LYZL4: variants seen among roughly 807,000 people sequenced by gnomAD.
LYZL4 encodes lysozyme like 4.
In LYZL4, 13 loss-of-function variants were observed where a neutral mutation model predicts 17.6. The observed-to-expected ratio is 0.74, with a 90% CI of 0.48 to 1.18. The LOEUF is 1.18. Ranked by LOEUF, LYZL4 falls within the 50% of genes most tolerant of loss-of-function variation. LYZL4 has a pLI of 0.00. For missense variants in LYZL4, 174 were observed against 188.2 expected, an observed-to-expected ratio of 0.92 and a Z score of 0.44; for synonymous variants, 64 against 67.7, an observed-to-expected ratio of 0.95 and a Z score of 0.27.
At chr3:42,377,854 G>A in the LYZL4 span, among the ~76,000 whole-genome samples, 5 of 152,186 alleles carry the variant, frequency 3.3e-5, no homozygotes, top group African/African-American at 1.2e-4. Context: ...CTGGAGAAAG[G>A]CAGGAGCCTT....
chr3:42,396,399 G>C (rs562857742), downstream of LYZL4, among the ~76,000 whole-genome samples: 6 of 152,308 alleles, frequency 3.9e-5, no homozygotes, highest in African/African-American at 1.2e-4. Context: ...GCTGACAGCT[G>C]TACTCCATCC....
chr3:42,403,444 ATTTATTTT>A (rs1176779971), intron 4 of LYZL4, among the ~76,000 whole-genome samples: 2 of 151,786 alleles, frequency 1.3e-5, no homozygotes, highest in African/African-American at 4.8e-5. Flanking sequence ...TTATTTATTT[ATTTATTTT>A]TTTAGTAGAG....
chr3:42,385,371 T>C, the LYZL4 span, among the ~76,000 whole-genome samples: 4 of 152,202 alleles, frequency 2.6e-5, no homozygotes, highest in African/African-American at 9.6e-5. Context: ...TAGCACTGTG[T>C]TGCAATTGCC....
Position 42,401,492 on chromosome 3 carries a change from T to C in LYZL4, c.371+2554A>G, listed in dbSNP as rs4682918. 5.7e-3 allele frequency among the ~76,000 whole-genome samples: 875 copies of C among 152,216 alleles called. 22 individuals are homozygous for C. The highest frequency in any genetic ancestry group is 0.055 in the East Asian group (282 of 5,166). On this transcript the variant is annotated intron_variant, in intron 4 of 4. Transcript: ENST00000287748. The stretch of plus-strand genomic sequence containing the variant: ...CAGCCTCCCAAAGTGCTGGGGATTA[T>C]AGGCATGAGCCACCGCTCCCAGCAC...
chr3:42,377,780 G>C, the LYZL4 span, among the ~76,000 whole-genome samples: 1 of 152,036 alleles, frequency 6.6e-6, no homozygotes, highest in Non-Finnish European at 1.5e-5. Flanking sequence ...ACATGGTAAG[G>C]TCCTGTGCAG....
At chr3:42,381,127 G>A in the LYZL4 span, among the ~76,000 whole-genome samples, 1 of 152,348 alleles carries the variant, frequency 6.6e-6, no homozygotes, top group East Asian at 1.9e-4. Context: ...GCAGACATGG[G>A]AGAGAAAGAT....
At chr3:42,394,370 T>C (rs553357227), downstream of LYZL4, among the ~76,000 whole-genome samples, 15 of 152,274 alleles carry the variant, frequency 9.9e-5, no homozygotes, top group Admixed American at 9.8e-4. Flanking sequence ...TGTGGGGATA[T>C]AGGTTTTGAG....
chr3:42,379,030 G>C, the LYZL4 span, among the ~76,000 whole-genome samples: 1 of 152,026 alleles, frequency 6.6e-6, no homozygotes, highest in Non-Finnish European at 1.5e-5. Flanking sequence ...GAAAACTGCA[G>C]CTGGTGACTC....
chr3:42,398,380 T>C (rs754518774), intron 4 of LYZL4, among the ~76,000 whole-genome samples: 2 of 152,176 alleles, frequency 1.3e-5, no homozygotes, highest in Non-Finnish European at 2.9e-5. Flanking sequence ...ATACACTAAA[T>C]ATGGTTTTAG....
the LYZL4 span, among the ~76,000 whole-genome samples, chr3:42,365,718 G>A: frequency 6.6e-6 from 1 of 152,076 alleles, no homozygotes; most frequent in South Asian, 2.1e-4. Flanking sequence ...CTACTACAGG[G>A]GAATGGAGAA....
the LYZL4 span, among the ~76,000 whole-genome samples, chr3:42,363,887 A>G: frequency 2.0e-5 from 3 of 152,240 alleles, no homozygotes; most frequent in African/African-American, 4.8e-5. Flanking sequence ...GACTCAGACC[A>G]TCATCACCCT....
chr3:42,382,351 A>C, the LYZL4 span, among the ~76,000 whole-genome samples: 1 of 152,174 alleles, frequency 6.6e-6, no homozygotes, highest in Non-Finnish European at 1.5e-5. Flanking sequence ...GTCTTGACAG[A>C]TAGTCTTTGC....
At chr3:42,396,597 A>T (rs1019047461), downstream of LYZL4, among the ~76,000 whole-genome samples, 3 of 152,248 alleles carry the variant, frequency 2.0e-5, no homozygotes, top group Non-Finnish European at 2.9e-5. Flanking sequence ...TATACAGAAA[A>T]AAGATCAGCA....
At chr3:42,388,593 G>A in the LYZL4 span, among the ~76,000 whole-genome samples, 3 of 152,202 alleles carry the variant, frequency 2.0e-5, no homozygotes, top group African/African-American at 7.2e-5. Flanking sequence ...GAGATGCTCA[G>A]CACTAGAGAG....
chr3:42,389,344 G>T, the LYZL4 span, among the ~76,000 whole-genome samples: 1 of 152,198 alleles, frequency 6.6e-6, no homozygotes, highest in Non-Finnish European at 1.5e-5. Context: ...ACTCAAGGCT[G>T]CTGAGTTGCT....
the LYZL4 span, among the ~76,000 whole-genome samples, chr3:42,367,995 G>A: frequency 6.6e-6 from 1 of 152,172 alleles, no homozygotes; most frequent in Non-Finnish European, 1.5e-5. Flanking sequence ...AATCCTAAGA[G>A]GCAGGTACTC....
chr3:42,395,133 A>G (rs756457665), downstream of LYZL4, among the ~76,000 whole-genome samples: 3 of 152,214 alleles, frequency 2.0e-5, no homozygotes. Context: ...GATTAAGCTC[A>G]ACAGTCGTTA....
the LYZL4 span, among the ~76,000 whole-genome samples, chr3:42,387,108 C>T: frequency 2.0e-5 from 3 of 152,252 alleles, no homozygotes; most frequent in East Asian, 3.9e-4. Flanking sequence ...ATTTCCTCAC[C>T]TGAGGACAAT....
intron 4 of LYZL4, among the ~76,000 whole-genome samples, chr3:42,397,918 C>G (rs972189706): frequency 1.3e-5 from 2 of 152,172 alleles, no homozygotes; most frequent in African/African-American, 4.8e-5. Context: ...GTCCCCATGC[C>G]AGCACCCAGA....
Sources: allele counts gnomAD v4.1 joint callset (sites outside exome capture counted in the v4.1 genomes callset), GRCh38; gene constraint gnomAD v4.1.1; transcripts MANE v1.5; gene names NCBI Gene and HGNC (gene_info 2026-07-23, HGNC 2026-07-21).